GPC6: variants seen among roughly 807,000 people sequenced by gnomAD.
GPC6 encodes the protein glypican 6, also known as glypican-6.
GPC6 carries 14 observed loss-of-function variants against 55.2 expected under a neutral mutation model. The ratio of observed to expected loss-of-function variants is 0.25; its 90% CI spans 0.17 to 0.40. The LOEUF (loss-of-function observed/expected upper bound fraction) is 0.40. GPC6 is among the 10% of genes least tolerant of loss of function. The pLI is 1.00. For synonymous variants in GPC6, 278 were observed against 259.6 expected (o/e 1.07, Z -0.68); for missense variants, 641 against 708.5 (o/e 0.90, Z 1.08).
chr13:93,234,027 G>A (rs1876149053), intron 1 of GPC6, among the ~76,000 whole-genome samples: 2 of 152,138 alleles, frequency 1.3e-5, no homozygotes, highest in Admixed American at 1.3e-4. Flanking sequence ...TTTAGAGCAT[G>A]TTTGCCTTGT....
At chr13:93,923,103 C>CCTT (rs1164660302) in intron 3 of GPC6, among the ~76,000 whole-genome samples, 1 of 152,132 alleles carries the variant, frequency 6.6e-6, no homozygotes, top group Non-Finnish European at 1.5e-5. Flanking sequence ...AACTAGTTTT[C>CCTT]CTTTTGAACA....
rs571702680 is a variant in GPC6 at position 93,293,432 on chromosome 13, G to A, written c.160+65816G>A. 2.6e-5 allele frequency among the ~76,000 whole-genome samples: 4 copies of A among 152,228 alleles called. No homozygotes were observed. The East Asian group carries it at 7.7e-4, about 29-fold the overall frequency. On this transcript the variant is annotated intron_variant, in intron 1 of 8. Transcript: ENST00000377047. ...TAGTTAGAACTATGTTACTTGAAACGTTGTTACATTTTTAAAGATTGTTTA... is the reference window on the plus strand; with the variant it reads ...TAGTTAGAACTATGTTACTTGAAACATTGTTACATTTTTAAAGATTGTTTA...
At chr13:93,880,369 G>A (rs535129555) in intron 3 of GPC6, among the ~76,000 whole-genome samples, 4 of 152,118 alleles carry the variant, frequency 2.6e-5, no homozygotes, top group Non-Finnish European at 4.4e-5. Context: ...TATACACCAT[G>A]GAATACTATG....
intron 6 of GPC6, among the ~76,000 whole-genome samples, chr13:94,344,579 C>T (rs1030213052): frequency 1.3e-5 from 2 of 152,236 alleles, no homozygotes; most frequent in Non-Finnish European, 1.5e-5. Flanking sequence ...TTTTACTCTT[C>T]GTGACTGGTC....
At chr13:94,082,414 C>G (rs1885133149) in intron 4 of GPC6, among the ~76,000 whole-genome samples, 1 of 152,130 alleles carries the variant, frequency 6.6e-6, no homozygotes, top group Non-Finnish European at 1.5e-5. Context: ...TCCACTCTCC[C>G]AAACATTAAC....
intron 1 of GPC6, among the ~76,000 whole-genome samples, chr13:93,481,153 C>T (rs1251221844): frequency 6.6e-6 from 1 of 152,072 alleles, no homozygotes; most frequent in African/African-American, 2.4e-5. Context: ...AGTGGTATCT[C>T]ATTGTGGTTT....
intron 2 of GPC6, among the ~76,000 whole-genome samples, chr13:93,655,473 G>C (rs557680438): frequency 6.6e-6 from 1 of 152,108 alleles, no homozygotes; most frequent in Non-Finnish European, 1.5e-5. Context: ...CGGTGTAAAG[G>C]TTTAAATATA....
intron 1 of GPC6, among the ~76,000 whole-genome samples, chr13:93,282,163 A>G (rs1877973117): frequency 6.6e-6 from 1 of 152,130 alleles, no homozygotes; most frequent in Admixed American, 6.6e-5. Context: ...CTTGGGACCA[A>G]ATGTTTTGAA....
intron 2 of GPC6, among the ~76,000 whole-genome samples, chr13:93,642,752 T>C (rs1880008125): frequency 6.6e-6 from 1 of 152,012 alleles, no homozygotes; most frequent in Non-Finnish European, 1.5e-5. Flanking sequence ...AATTGAGGCA[T>C]AGAAAAGGAA....
chr13:94,297,674 G>A (rs1227013452), intron 5 of GPC6, among the ~76,000 whole-genome samples: 3 of 152,176 alleles, frequency 2.0e-5, no homozygotes, highest in African/African-American at 7.2e-5. Flanking sequence ...AGCTGTGTGA[G>A]CATCAGGAGT....
At chr13:93,337,641 A>G (rs1345989003) in intron 1 of GPC6, among the ~76,000 whole-genome samples, 1 of 152,242 alleles carries the variant, frequency 6.6e-6, no homozygotes, top group Non-Finnish European at 1.5e-5. Context: ...AAACTAATGC[A>G]TCAAGTCGAC....
At chr13:93,662,608 GT>G (rs1880970872) in intron 2 of GPC6, among the ~76,000 whole-genome samples, 1 of 151,734 alleles carries the variant, frequency 6.6e-6, no homozygotes, top group Admixed American at 6.6e-5. Context: ...CAAGCCTGGG[GT>G]ACAAGAGCGA....
intron 3 of GPC6, among the ~76,000 whole-genome samples, chr13:93,893,336 A>G (rs975836582): frequency 1.3e-4 from 20 of 152,138 alleles, no homozygotes; most frequent in Non-Finnish European, 1.2e-4. Flanking sequence ...ATTTATAGGC[A>G]TGATCCACCG....
At chr13:93,604,540 A>G (rs369197567) in intron 2 of GPC6, among the ~76,000 whole-genome samples, 6 of 152,294 alleles carry the variant, frequency 3.9e-5, no homozygotes, top group South Asian at 2.1e-4. Flanking sequence ...GATCTTCTTT[A>G]ATGCAAATAT....
At chr13:93,526,840 T>G (rs1881664462) in intron 1 of GPC6, among the ~76,000 whole-genome samples, 1 of 152,104 alleles carries the variant, frequency 6.6e-6, no homozygotes, top group South Asian at 2.1e-4. Flanking sequence ...ATTTTGCATA[T>G]TTTGATTTAA....
chr13:94,045,388 AAC>A (rs962039731), intron 4 of GPC6, among the ~76,000 whole-genome samples: 2 of 151,930 alleles, frequency 1.3e-5, no homozygotes, highest in Non-Finnish European at 2.9e-5. Flanking sequence ...TAGTATCTAA[AAC>A]CATACTTTTT....
At chr13:94,182,326 T>C (rs1303476848) in intron 4 of GPC6, among the ~76,000 whole-genome samples, 2 of 152,190 alleles carry the variant, frequency 1.3e-5, no homozygotes, top group Non-Finnish European at 2.9e-5. Flanking sequence ...TGGACTGTTT[T>C]CCTGGGGCAG....
chr13:93,887,768 T>A (rs894804983), intron 3 of GPC6, among the ~76,000 whole-genome samples: 1 of 152,180 alleles, frequency 6.6e-6, no homozygotes, highest in African/African-American at 2.4e-5. Flanking sequence ...ACTTCTAGGC[T>A]TAATAATCAG....
chr13:93,985,914 C>T (rs374767664), intron 3 of GPC6, among the ~76,000 whole-genome samples: 47 of 152,054 alleles, frequency 3.1e-4, no homozygotes, highest in African/African-American at 1.1e-3. Flanking sequence ...TGAGGACAAC[C>T]GGTTCTCTAT....
Sources: gnomAD v4.1 joint callset for allele counts (sites outside exome capture counted in the v4.1 genomes callset) on GRCh38, gnomAD v4.1.1 for gene constraint, MANE v1.5 for transcripts, NCBI Gene and HGNC (gene_info 2026-07-23, HGNC 2026-07-21) for gene names.